Variants in CSRNP3 observed in about 807,000 individuals in gnomAD.
The protein encoded by CSRNP3 is cysteine/serine-rich nuclear protein 3.
Under a neutral mutation model 48.0 loss-of-function variants are expected in CSRNP3, and 12 were observed. That is an observed-to-expected ratio of 0.25 (90% CI 0.16 to 0.41). The LOEUF is 0.41. Ranked by LOEUF, CSRNP3 falls within the 10% of genes least tolerant of loss-of-function variation. The pLI is 1.00. For missense variants in CSRNP3, 580 were observed against 724.4 expected, an observed-to-expected ratio of 0.80 and a Z score of 2.29; for synonymous variants, 263 against 269.7, an observed-to-expected ratio of 0.98 and a Z score of 0.24.
At chr2:165,585,536 C>T (rs1685613827) in intron 3 of CSRNP3, among the ~76,000 whole-genome samples, 1 of 152,170 alleles carries the variant, frequency 6.6e-6, no homozygotes, top group African/African-American at 2.4e-5. Context: ...TCCTATGCAA[C>T]TCAATCCAGA....
rs543987121 is a variant in CSRNP3 at position 165,609,658 on chromosome 2, A to G, written c.148+14445A>G. Among the ~76,000 whole-genome samples the G allele has an allele frequency of 1.1e-4, 16 of 152,172 alleles. No homozygotes were observed. The East Asian group carries it at 2.5e-3, about 24-fold the overall frequency. On this transcript the variant is annotated intron_variant, in intron 4 of 6. Coordinates refer to ENST00000651982, the MANE Select transcript of CSRNP3 (RefSeq NM_001172173.2). Reference sequence around the variant, plus strand: ...CCAGAAAATGTTAACTATGATGACAATTATGATGATGATGATATTGATATT... The same window carrying G: ...CCAGAAAATGTTAACTATGATGACAGTTATGATGATGATGATATTGATATT...
chr2:165,678,698 A>T lies in CSRNP3; in HGVS notation c.706-3A>T. On this transcript the variant is annotated splice_region_variant and splice_polypyrimidine_tract_variant and intron_variant, in intron 6 of 6. Coordinates refer to ENST00000651982, the MANE Select transcript of CSRNP3 (RefSeq NM_001172173.2). ...GGTGCTAATCTGTGTTCTTCCTTCCAAGGTGGATCGTATGTCTTTCCCATG... is the reference window on the plus strand; with the variant it reads ...GGTGCTAATCTGTGTTCTTCCTTCCTAGGTGGATCGTATGTCTTTCCCATG... 3 of 1,612,258 alleles carry T rather than the reference A, an allele frequency of 1.9e-6. No individual in the cohort carries two copies. Among genetic ancestry groups the T allele is most frequent in the Non-Finnish European group, 2.5e-6 (3 of 1,178,902 alleles).
chr2:165,671,156 C>T (rs1687321998), intron 5 of CSRNP3, among the ~76,000 whole-genome samples: 1 of 152,050 alleles, frequency 6.6e-6, no homozygotes, highest in Non-Finnish European at 1.5e-5. Context: ...GTAAGTATGT[C>T]TTAGAGAAGT....
At position 165,597,915 on chromosome 2, in the gene CSRNP3, A is replaced by T. The variant is rs1033960735; in HGVS notation, c.148+2702A>T. 5.3e-5 allele frequency among the ~76,000 whole-genome samples: 8 copies of T among 152,144 alleles called. No individual in the cohort carries two copies. In the East Asian group the frequency reaches 1.5e-3, roughly 29 times the overall value. On this transcript the variant is annotated intron_variant, in intron 4 of 6. Transcript: ENST00000651982. ...TGAAATCGGTACTCATTTCTCCAAT[A>T]AAAAATACTAATACCTAAGTGCTGG...
At chr2:165,514,977 T>G (rs749743322) in intron 2 of CSRNP3, among the ~76,000 whole-genome samples, 3 of 152,206 alleles carry the variant, frequency 2.0e-5, no homozygotes, top group Non-Finnish European at 4.4e-5. Context: ...TTGAATTCCT[T>G]TCTTCTATAG....
chr2:165,595,384 T>C (rs1685793241), intron 4 of CSRNP3, among the ~76,000 whole-genome samples, 171 bp downstream of exon 4: 1 of 152,260 alleles, frequency 6.6e-6, no homozygotes, highest in African/African-American at 2.4e-5. Flanking sequence ...TAGATTCCTT[T>C]ATTTAGAATA....
chr2:165,661,994 C>G (rs1390768510), intron 5 of CSRNP3, among the ~76,000 whole-genome samples: 1 of 152,086 alleles, frequency 6.6e-6, no homozygotes, highest in African/African-American at 2.4e-5. Context: ...GGTGTCTTTG[C>G]TGAGTTCCAA....
chr2:165,533,942 T>A (rs1198750087), intron 3 of CSRNP3, among the ~76,000 whole-genome samples: 1 of 152,060 alleles, frequency 6.6e-6, no homozygotes, highest in African/African-American at 2.4e-5. Flanking sequence ...ACATATCTGT[T>A]ACAGAAGATT....
chr2:165,640,265 A>G (rs1331989354), intron 4 of CSRNP3, among the ~76,000 whole-genome samples: 2 of 152,242 alleles, frequency 1.3e-5, no homozygotes, highest in African/African-American at 4.8e-5. Context: ...CTATGTGATG[A>G]GTATTATTAT....
At chr2:165,668,632 G>A (rs1687276827) in intron 5 of CSRNP3, among the ~76,000 whole-genome samples, 1 of 151,826 alleles carries the variant, frequency 6.6e-6, no homozygotes, top group South Asian at 2.1e-4. Flanking sequence ...GAACCCCTGA[G>A]CTCGTTATCT....
At chr2:165,584,543 T>G (rs1685597020) in intron 3 of CSRNP3, among the ~76,000 whole-genome samples, 1 of 152,204 alleles carries the variant, frequency 6.6e-6, no homozygotes, top group Non-Finnish European at 1.5e-5. Flanking sequence ...GAGATGGCCT[T>G]TTTCTTCTAT....
chr2:165,526,855 CTGTT>C (rs927010938), intron 3 of CSRNP3, among the ~76,000 whole-genome samples: 3 of 152,148 alleles, frequency 2.0e-5, no homozygotes, highest in Non-Finnish European at 2.9e-5. Context: ...TTCTAGAAGA[CTGTT>C]TGTCATTATG....
chr2:165,665,844 G>A (rs1687175096), intron 5 of CSRNP3, among the ~76,000 whole-genome samples: 1 of 149,130 alleles, frequency 6.7e-6, no homozygotes, highest in Non-Finnish European at 1.5e-5. Flanking sequence ...AGGAAGCAAG[G>A]AAGGAAGGAA....
At position 165,687,807 on chromosome 2, in the gene CSRNP3, T is replaced by A. The variant is rs1395796493; in HGVS notation, c.*8054T>A. ...TGGTTACATCACTTGATTCAAGCAC[T>A]CCCTGGAGCTTTCAAAGCCTTTTTT... On this transcript the variant is annotated 3_prime_UTR_variant, in exon 7 of 7. Coordinates refer to ENST00000651982, the MANE Select transcript of CSRNP3 (RefSeq NM_001172173.2). 1 of 152,056 alleles carries A rather than the reference T, an allele frequency of 6.6e-6. No individual in the cohort carries two copies. The highest frequency in any genetic ancestry group is 2.4e-5 in the African/African-American group (1 of 41,416). 9.4% of individuals were successfully genotyped at this position (152,056 alleles called of 1,614,324 possible). A position where few individuals can be genotyped will look rare whatever the true frequency, so the allele number is the denominator to read the frequency against.
In CSRNP3 at chr2:165,687,941, C is replaced by T. The variant is rs758235234; in HGVS notation, c.*8188C>T. ...CATGGGATTTTTTTCAATCTTGGTA[C>T]AGCTGCATATCTCCCAAACTCGGAT... On this transcript the variant is annotated 3_prime_UTR_variant, in exon 7 of 7. Coordinates refer to ENST00000651982, the MANE Select transcript of CSRNP3 (RefSeq NM_001172173.2). 3 of 151,468 alleles carry T rather than the reference C, an allele frequency of 2.0e-5. No homozygotes were observed. The highest frequency in any genetic ancestry group is 4.4e-5 in the Non-Finnish European group (3 of 67,930). 9.4% of individuals were successfully genotyped at this position (151,468 alleles called of 1,614,324 possible).
intron 5 of CSRNP3, among the ~76,000 whole-genome samples, chr2:165,672,238 A>G (rs929740632): frequency 2.6e-5 from 4 of 152,108 alleles, no homozygotes; most frequent in Admixed American, 1.3e-4. Flanking sequence ...TCTTTACATC[A>G]TCACCCTACT....
intron 3 of CSRNP3, among the ~76,000 whole-genome samples, chr2:165,526,072 T>C (rs979323575): frequency 3.3e-5 from 5 of 152,212 alleles, no homozygotes; most frequent in African/African-American, 1.2e-4. Flanking sequence ...ATTTCTAGTC[T>C]CTATTGTGTC....
At chr2:165,536,167 C>T (rs1304145648) in intron 3 of CSRNP3, among the ~76,000 whole-genome samples, 1 of 151,902 alleles carries the variant, frequency 6.6e-6, no homozygotes, top group Admixed American at 6.6e-5. Context: ...ATATTGTCAA[C>T]ACAACTGTTC....
chr2:165,599,262 A>G (rs1464779239), intron 4 of CSRNP3, among the ~76,000 whole-genome samples: 3 of 137,666 alleles, frequency 2.2e-5, no homozygotes, highest in African/African-American at 8.3e-5. Context: ...AGAAAGAAAG[A>G]AAAAGAAAGA....
Sources: allele counts gnomAD v4.1 joint callset (sites outside exome capture counted in the v4.1 genomes callset), GRCh38; gene constraint gnomAD v4.1.1; transcripts MANE v1.5; gene names NCBI Gene and HGNC (gene_info 2026-07-23, HGNC 2026-07-21).